The following GABBR2 variants were observed in gnomAD, a reference collection of about 807,000 sequenced individuals.
GABBR2 encodes G-protein coupled receptor 51.
Under a neutral mutation model 105.6 loss-of-function variants are expected in GABBR2, and 23 were observed. The ratio of observed to expected loss-of-function variants is 0.22; its 90% CI spans 0.16 to 0.31. The LOEUF (loss-of-function observed/expected upper bound fraction) is 0.31. Ranked by LOEUF, GABBR2 falls within the 10% of genes least tolerant of loss-of-function variation. The pLI is 1.00. For missense variants in GABBR2, 734 were observed against 1,245.5 expected (o/e 0.59, Z 6.18); for synonymous variants, 478 against 499.7 (o/e 0.96, Z 0.58).
At chr9:98,596,605 G>T (rs557779392) in intron 1 of GABBR2, among the ~76,000 whole-genome samples, 1 of 152,132 alleles carries the variant, frequency 6.6e-6, no homozygotes, top group South Asian at 2.1e-4. Flanking sequence ...CATGGAAGGA[G>T]CCGGCGATGT....
chr9:98,524,553 A>G (rs562070778), intron 3 of GABBR2, among the ~76,000 whole-genome samples: 15 of 152,340 alleles, frequency 9.8e-5, no homozygotes, highest in Middle Eastern at 3.4e-3. Flanking sequence ...CTTCATGGAA[A>G]CTTGCTCCTC....
chr9:98,538,197 A>G (rs915212313), intron 3 of GABBR2, among the ~76,000 whole-genome samples: 1 of 152,240 alleles, frequency 6.6e-6, no homozygotes, highest in South Asian at 2.1e-4. Context: ...AAATAGCCCC[A>G]TTTTACACAA....
intron 3 of GABBR2, among the ~76,000 whole-genome samples, chr9:98,498,594 A>T (rs1316249595): frequency 1.3e-5 from 2 of 152,186 alleles, no homozygotes; most frequent in Admixed American, 6.5e-5. Context: ...AGCAAATGTG[A>T]ACATGTAATC....
chr9:98,653,690 T>C (rs552679803), intron 1 of GABBR2, among the ~76,000 whole-genome samples: 73 of 152,128 alleles, frequency 4.8e-4, no homozygotes, highest in Non-Finnish European at 7.1e-4. Flanking sequence ...CTTCTTTATG[T>C]GCCTAAAAGG....
At chr9:98,322,802 C>G (rs1272827306) in intron 13 of GABBR2, among the ~76,000 whole-genome samples, 2 of 152,176 alleles carry the variant, frequency 1.3e-5, no homozygotes, top group African/African-American at 2.4e-5. Flanking sequence ...GCTCCTCCCA[C>G]ATCCACTGCC....
intron 1 of GABBR2, among the ~76,000 whole-genome samples, chr9:98,626,051 G>A (rs1040889394): frequency 3.9e-5 from 6 of 152,192 alleles, no homozygotes; most frequent in African/African-American, 1.4e-4. Flanking sequence ...CTCCCTGACC[G>A]GGAGAAGAAG....
chr9:98,692,252 C>T (rs1461365433), intron 1 of GABBR2, among the ~76,000 whole-genome samples: 1 of 152,132 alleles, frequency 6.6e-6, no homozygotes, highest in Non-Finnish European at 1.5e-5. Flanking sequence ...TGGCAGGAGG[C>T]AGGTGCTCCA....
intron 7 of GABBR2, among the ~76,000 whole-genome samples, chr9:98,414,522 C>G (rs572882961): frequency 6.6e-6 from 1 of 152,302 alleles, no homozygotes; most frequent in African/African-American, 2.4e-5. Flanking sequence ...GCAAGAGGAG[C>G]AACTGAAGGG....
chr9:98,510,865 G>A (rs1340376889), intron 3 of GABBR2, among the ~76,000 whole-genome samples: 1 of 152,070 alleles, frequency 6.6e-6, no homozygotes, highest in Admixed American at 6.6e-5. Flanking sequence ...AGATCAACGA[G>A]GATACCCAGG....
chr9:98,355,914 C>G (rs1396192539), intron 13 of GABBR2, among the ~76,000 whole-genome samples: 2 of 152,190 alleles, frequency 1.3e-5, no homozygotes, highest in African/African-American at 4.8e-5. Flanking sequence ...CACACAAACA[C>G]AGTCAACTGA....
chr9:98,570,761 G>C (rs775721639), intron 2 of GABBR2, among the ~76,000 whole-genome samples: 3 of 152,234 alleles, frequency 2.0e-5, no homozygotes, highest in Non-Finnish European at 4.4e-5. Flanking sequence ...AAACCAGGGG[G>C]CGGGGGTTCC....
At chr9:98,480,618 G>A (rs1003968293) in intron 5 of GABBR2, among the ~76,000 whole-genome samples, 10 of 152,168 alleles carry the variant, frequency 6.6e-5, no homozygotes, top group Admixed American at 1.3e-4. Context: ...CAGGGAGGGG[G>A]TCTGAGTCAC....
At chr9:98,348,909 C>T (rs1831345004) in intron 13 of GABBR2, among the ~76,000 whole-genome samples, 1 of 152,116 alleles carries the variant, frequency 6.6e-6, no homozygotes, top group Non-Finnish European at 1.5e-5. Context: ...CTTTTGGATG[C>T]TCTTTATTTC....
At chr9:98,597,955 G>T (rs547359362) in intron 1 of GABBR2, among the ~76,000 whole-genome samples, 1 of 152,074 alleles carries the variant, frequency 6.6e-6, no homozygotes, top group Non-Finnish European at 1.5e-5. Flanking sequence ...CAAGTAGCTG[G>T]GATTTACATG....
chr9:98,506,126 G>A (rs188455818), intron 3 of GABBR2, among the ~76,000 whole-genome samples: 15 of 152,274 alleles, frequency 9.9e-5, no homozygotes, highest in Admixed American at 6.5e-4. Flanking sequence ...GAAACAAGTG[G>A]AGGACCATAC....
chr9:98,541,754 A>G (rs1828308062), intron 3 of GABBR2, 119 bp downstream of exon 3: 1 of 867,398 alleles, frequency 1.2e-6, no homozygotes, highest in African/African-American at 1.7e-5. Flanking sequence ...TGATCGCACT[A>G]ACCAACACAT....
Position 98,329,631 on chromosome 9 carries a change from G to A in GABBR2, c.1894-18426C>T, listed in dbSNP as rs58503867. ...ATGGGGCATCTCGGCCCTGCCCTTC[G>A]GGGCTCATTCTCTCTTGCCCCCTCA... On this transcript the variant is annotated intron_variant, in intron 13 of 18. Transcript: ENST00000259455. Among the ~76,000 whole-genome samples the A allele has an allele frequency of 3.7e-3, 563 of 152,290 alleles. 2 individuals are homozygous for A. The highest frequency in any genetic ancestry group is 0.013 in the African/African-American group (536 of 41,562).
chr9:98,611,214 C>T (rs76589263), intron 1 of GABBR2, among the ~76,000 whole-genome samples: 1,902 of 152,284 alleles, frequency 0.012, 44 homozygotes, highest in African/African-American at 0.042. Flanking sequence ...CACCCCCTGC[C>T]TCCTGCCCTG....
At chr9:98,636,485 C>CTTTTTTTTTT (rs10559312) in intron 1 of GABBR2, among the ~76,000 whole-genome samples, 1 of 66,174 alleles carries the variant, frequency 1.5e-5, no homozygotes, top group Non-Finnish European at 2.6e-5. Flanking sequence ...TCTTTCCTTT[C>CTTTTTTTTTT]TTTTTTTTTT....
Sources: gnomAD v4.1 joint callset for allele counts (sites outside exome capture counted in the v4.1 genomes callset) on GRCh38, gnomAD v4.1.1 for gene constraint, MANE v1.5 for transcripts, NCBI Gene and HGNC (gene_info 2026-07-23, HGNC 2026-07-21) for gene names.